GHR: variants seen among roughly 807,000 people sequenced by gnomAD.
GHR encodes the protein growth hormone receptor, also known as GH receptor.
A neutral mutation model predicts 67.1 loss-of-function variants in GHR; 35 were observed. The ratio of observed to expected loss-of-function variants is 0.52; its 90% confidence interval spans 0.40 to 0.69. The LOEUF (loss-of-function observed/expected upper bound fraction) is 0.69. GHR is among the 30% of genes least tolerant of loss of function. The pLI is 0.00. For synonymous variants in GHR, 272 were observed against 269.1 expected, an observed-to-expected ratio of 1.01 and a Z score of -0.10; for missense variants, 792 against 764.6, an observed-to-expected ratio of 1.04 and a Z score of -0.42.
At chr5:42,685,885 G>T (rs995577415) in intron 3 of GHR, among the ~76,000 whole-genome samples, 1 of 152,236 alleles carries the variant, frequency 6.6e-6, no homozygotes, top group Admixed American at 6.5e-5. Context: ...CCCCCATTCT[G>T]TAGGTTGCCT....
chr5:42,695,298 G>C (rs1006287483), intron 5 of GHR, among the ~76,000 whole-genome samples: 2 of 152,190 alleles, frequency 1.3e-5, no homozygotes, highest in African/African-American at 4.8e-5. Context: ...AAGTAGCCTG[G>C]CAGTAAATGT....
rs1401797955 is a variant in GHR, at chr5:42,572,234, A to G, written c.70+6290A>G. Among the ~76,000 whole-genome samples the G allele has an allele frequency of 3.9e-5, 6 of 152,292 alleles. No homozygotes were observed. In the South Asian group the frequency reaches 1.2e-3, roughly 32 times the overall value. ...CAATAAAGACATTTTTGGGGCCTCT[A>G]CTTGGCTTGTAACCACCTGCTTATC... On this transcript the variant is annotated intron_variant, in intron 2 of 9. Coordinates refer to ENST00000230882, the MANE Select transcript of GHR (RefSeq NM_000163.5).
chr5:42,452,655 G>A (rs968672524), intron 1 of GHR, among the ~76,000 whole-genome samples: 1 of 152,026 alleles, frequency 6.6e-6, no homozygotes, highest in African/African-American at 2.4e-5. Context: ...GAGCTCTGAA[G>A]TTCTTTCTTC....
intron 6 of GHR, among the ~76,000 whole-genome samples, chr5:42,709,514 T>G (rs1439069519): frequency 2.0e-5 from 3 of 152,136 alleles, no homozygotes; most frequent in Non-Finnish European, 4.4e-5. Context: ...AACCAATAAC[T>G]TACAGCTTTT....
chr5:42,696,594 G>C (rs527356208), intron 5 of GHR, among the ~76,000 whole-genome samples: 1 of 152,190 alleles, frequency 6.6e-6, no homozygotes, highest in Non-Finnish European at 1.5e-5. Context: ...TAACTTAGTA[G>C]TCCCAACATG....
rs758353977 is a variant in GHR at position 42,719,220 on chromosome 5, C to A, written c.1713C>A (p.Ser571Arg). 6 of 1,614,042 alleles carry A rather than the reference C, an allele frequency of 3.7e-6. No individual in the cohort carries two copies. The highest frequency in any genetic ancestry group is 8.5e-7 in the Non-Finnish European group (1 of 1,179,940). Residue 571 changes from serine (S) to arginine (R), a missense_variant, in exon 10 of 10, where the codon AGC (serine) becomes AGA (arginine). Physicochemically the swap from Ser to Arg is moderately radical, Grantham distance 110. Transcript: ENST00000230882. Reference protein sequence around the residue: ...NQEDIYITTESLTTAAGRPGT... With the variant: ...NQEDIYITTERLTTAAGRPGT... ...AGGACATTTACATCACCACAGAAAG[C>A]CTTACCACTGCTGCTGGGAGGCCTG...
At chr5:42,530,681 A>G (rs1747925744) in intron 1 of GHR, among the ~76,000 whole-genome samples, 1 of 152,040 alleles carries the variant, frequency 6.6e-6, no homozygotes, top group Admixed American at 6.6e-5. Context: ...CTAGCATTGA[A>G]CCTCTTATTA....
intron 3 of GHR, among the ~76,000 whole-genome samples, chr5:42,683,275 C>T (rs1486894949): frequency 6.6e-6 from 1 of 152,130 alleles, no homozygotes; most frequent in African/African-American, 2.4e-5. Flanking sequence ...GCTGGGATTA[C>T]AGGCATGAGC....
chr5:42,456,541 G>A (rs577473593), intron 1 of GHR, among the ~76,000 whole-genome samples: 14 of 152,172 alleles, frequency 9.2e-5, no homozygotes, highest in Non-Finnish European at 5.9e-5. Context: ...AAAGGTTTCC[G>A]GCTTCTCTTG....
chr5:42,477,024 C>G (rs1579777716), intron 1 of GHR, among the ~76,000 whole-genome samples: 1 of 108,158 alleles, frequency 9.2e-6, no homozygotes, highest in East Asian at 3.4e-4. Context: ...TAATGCTATC[C>G]CTCCCCCCTC....
rs10038285 is a variant in GHR, at chr5:42,689,438, G to A, written c.266+419G>A. ...TGAGTGAGAGCATGTATGGATACACGTGGGCATGTGCATGTGGATGAGAGT... is the reference window on the plus strand; with the variant it reads ...TGAGTGAGAGCATGTATGGATACACATGGGCATGTGCATGTGGATGAGAGT... On this transcript the variant is annotated intron_variant, in intron 4 of 9. Coordinates refer to ENST00000230882, the MANE Select transcript of GHR (RefSeq NM_000163.5). 0.65 allele frequency among the ~76,000 whole-genome samples: 99,231 copies of A among 152,060 alleles called. 33,970 individuals are homozygous for A. The highest frequency in any genetic ancestry group is 0.84 in the East Asian group (4,327 of 5,164).
chr5:42,439,836 C>A (rs1579701007), intron 1 of GHR, among the ~76,000 whole-genome samples: 1 of 152,182 alleles, frequency 6.6e-6, no homozygotes, highest in South Asian at 2.1e-4. Context: ...AATAGAAATG[C>A]TGATTTTCCT....
chr5:42,518,913 T>C (rs1747355535), intron 1 of GHR, among the ~76,000 whole-genome samples: 1 of 152,184 alleles, frequency 6.6e-6, no homozygotes, highest in Non-Finnish European at 1.5e-5. Context: ...CTGTTAGTCA[T>C]GTGACTTTTT....
At chr5:42,466,207 A>G (rs1308781054) in intron 1 of GHR, among the ~76,000 whole-genome samples, 2 of 152,148 alleles carry the variant, frequency 1.3e-5, no homozygotes, top group Non-Finnish European at 2.9e-5. Context: ...GGGCTTGGCC[A>G]TGCACACTAG....
chr5:42,534,069 CG>C (rs1223083444), intron 1 of GHR, among the ~76,000 whole-genome samples: 3 of 147,938 alleles, frequency 2.0e-5, no homozygotes, highest in African/African-American at 7.4e-5. Flanking sequence ...TATATATGTA[CG>C]TATGTATATA....
At chr5:42,660,073 C>T (rs1330183560) in intron 3 of GHR, among the ~76,000 whole-genome samples, 2 of 152,184 alleles carry the variant, frequency 1.3e-5, no homozygotes, top group Non-Finnish European at 2.9e-5. Flanking sequence ...CCAGGCATTG[C>T]CCAGGTTTGC....
intron 3 of GHR, among the ~76,000 whole-genome samples, chr5:42,653,496 G>A (rs1433323852): frequency 6.6e-6 from 1 of 152,042 alleles, no homozygotes; most frequent in Non-Finnish European, 1.5e-5. Context: ...AAGTCATATT[G>A]AGCTTGTGAG....
intron 1 of GHR, among the ~76,000 whole-genome samples, chr5:42,555,971 G>T (rs1749285562): frequency 1.3e-5 from 2 of 152,194 alleles, no homozygotes; most frequent in Admixed American, 1.3e-4. Flanking sequence ...TGAGTCACCA[G>T]CTCGGACAAT....
chr5:42,448,184 C>T (rs147462193), intron 1 of GHR, among the ~76,000 whole-genome samples: 12 of 152,242 alleles, frequency 7.9e-5, no homozygotes, highest in African/African-American at 2.2e-4. Flanking sequence ...TTTTCCATAG[C>T]GGCTGTACTA....
Sources: gnomAD v4.1 joint callset for allele counts (sites outside exome capture counted in the v4.1 genomes callset) on GRCh38, gnomAD v4.1.1 for gene constraint, MANE v1.5 for transcripts, NCBI Gene and HGNC (gene_info 2026-07-23, HGNC 2026-07-21) for gene names.